Variants in RHBDD1 observed in about 807,000 individuals in gnomAD.
The protein encoded by RHBDD1 is rhomboid-related protein 4.
A neutral mutation model predicts 36.3 loss-of-function variants in RHBDD1; 38 were observed. The ratio of observed to expected loss-of-function variants is 1.05; its 90% CI spans 0.81 to 1.37. RHBDD1 has a LOEUF of 1.37. Ranked by LOEUF, RHBDD1 falls within the 40% of genes most tolerant of loss-of-function variation. RHBDD1 has a pLI of 0.00. For synonymous variants in RHBDD1, 151 were observed against 136.5 expected (o/e 1.11, Z -0.74); for missense variants, 393 against 377.6 (o/e 1.04, Z -0.34).
intron 8 of RHBDD1, among the ~76,000 whole-genome samples, chr2:226,967,719 A>C (rs1430196492): frequency 6.6e-6 from 1 of 152,132 alleles, no homozygotes; most frequent in Non-Finnish European, 1.5e-5. Context: ...GGTAATTCTT[A>C]ACTAGAGAAG....
intron 4 of RHBDD1, among the ~76,000 whole-genome samples, chr2:226,866,496 T>C (rs1459706261): frequency 6.6e-6 from 1 of 152,216 alleles, no homozygotes; most frequent in Non-Finnish European, 1.5e-5. Flanking sequence ...AGCACAAGGT[T>C]ACCCAGCTCG....
Position 226,864,666 on chromosome 2 carries a change from T to C in RHBDD1, c.-28T>C. 1 of 1,594,380 alleles carries C rather than the reference T, an allele frequency of 6.3e-7. No homozygotes were observed. The highest frequency in any genetic ancestry group is 8.6e-7 in the Non-Finnish European group (1 of 1,166,514). ...TGACCACCTGAGTACGTTTTCCCAT[T>C]GCTGAGCTGTTTCCCTGATATCTGG... On this transcript the variant is annotated 5_prime_UTR_variant, in exon 4 of 9. Coordinates refer to ENST00000392062, the MANE Select transcript of RHBDD1 (RefSeq NM_001167608.3).
At chr2:226,960,024 C>T (rs867030588) in intron 8 of RHBDD1, among the ~76,000 whole-genome samples, 3 of 152,056 alleles carry the variant, frequency 2.0e-5, no homozygotes, top group South Asian at 2.1e-4. Flanking sequence ...GGGGTTTTAC[C>T]GTATTAGCCA....
chr2:226,992,666 T>C (rs1958508794), intron 8 of RHBDD1, among the ~76,000 whole-genome samples: 1 of 152,192 alleles, frequency 6.6e-6, no homozygotes, highest in African/African-American at 2.4e-5. Context: ...GAACTTCTTA[T>C]TTTTCTGTTT....
Position 226,867,170 on chromosome 2 carries a change from C to T in RHBDD1, c.434-16C>T, listed in dbSNP as rs1386793239. ...TTTGGATTGTTGATATTTGCATGTTCTTCATTCTCTTTTAGGAGTTTTGTT... is the reference window on the plus strand; with the variant it reads ...TTTGGATTGTTGATATTTGCATGTTTTTCATTCTCTTTTAGGAGTTTTGTT... On this transcript the variant is annotated splice_polypyrimidine_tract_variant and intron_variant, in intron 4 of 8. Coordinates refer to ENST00000392062, the MANE Select transcript of RHBDD1 (RefSeq NM_001167608.3). The T allele has an allele frequency of 6.3e-7, 1 of 1,586,032 alleles. No homozygotes were observed.
intron 5 of RHBDD1, chr2:226,869,091 T>C: frequency 1.4e-6 from 1 of 719,782 alleles, no homozygotes. Context: ...GTGCGTTTAA[T>C]ATTCTTATGC....
At chr2:226,805,320 C>A in the RHBDD1 span, among the ~76,000 whole-genome samples, 1 of 152,228 alleles carries the variant, frequency 6.6e-6, no homozygotes, top group Non-Finnish European at 1.5e-5. Flanking sequence ...TGAAGCAATT[C>A]TTCTGCCTCA....
chr2:226,859,844 G>C (rs1342075232), intron 3 of RHBDD1, among the ~76,000 whole-genome samples: 1 of 152,132 alleles, frequency 6.6e-6, no homozygotes, highest in African/African-American at 2.4e-5. Context: ...GGGGAGTCCA[G>C]CTTCAGTTTT....
chr2:226,986,658 G>A (rs142613155), intron 8 of RHBDD1, among the ~76,000 whole-genome samples: 3,788 of 152,264 alleles, frequency 0.025, 63 homozygotes, highest in Non-Finnish European at 0.039. Flanking sequence ...TTAGAATAGC[G>A]ATCACTAAAA....
intron 8 of RHBDD1, among the ~76,000 whole-genome samples, chr2:226,979,981 G>T (rs1955361652): frequency 2.0e-5 from 3 of 152,192 alleles, no homozygotes; most frequent in Admixed American, 2.0e-4. Context: ...TTGGGGACAG[G>T]ACGAGTGGAA....
chr2:226,948,540 A>T (rs1249583169), intron 8 of RHBDD1, among the ~76,000 whole-genome samples: 2 of 145,298 alleles, frequency 1.4e-5, no homozygotes, highest in Non-Finnish European at 3.0e-5. Flanking sequence ...CACAATGTGC[A>T]CATGTACCCT....
chr2:226,809,001 C>A, the RHBDD1 span, among the ~76,000 whole-genome samples: 1 of 152,126 alleles, frequency 6.6e-6, no homozygotes, highest in Non-Finnish European at 1.5e-5. Flanking sequence ...CTTATTGATC[C>A]TCCGAGTGGA....
intron 8 of RHBDD1, among the ~76,000 whole-genome samples, chr2:226,965,285 C>A (rs764597567): frequency 3.3e-5 from 5 of 152,222 alleles, no homozygotes; most frequent in Admixed American, 6.5e-5. Flanking sequence ...GGAATGGGTT[C>A]TCCTGCAGAG....
chr2:226,827,659 T>C, the RHBDD1 span, among the ~76,000 whole-genome samples: 14 of 152,200 alleles, frequency 9.2e-5, no homozygotes, highest in African/African-American at 3.4e-4. Flanking sequence ...CCAGCTCTAG[T>C]CAATGTCTTC....
chr2:226,904,622 A>G (rs964780826), intron 5 of RHBDD1, among the ~76,000 whole-genome samples: 8 of 152,176 alleles, frequency 5.3e-5, no homozygotes, highest in Admixed American at 3.9e-4. Context: ...AATGGGAACA[A>G]GCATCAATGC....
chr2:226,947,046 A>G (rs934724423), intron 8 of RHBDD1, among the ~76,000 whole-genome samples: 1 of 152,174 alleles, frequency 6.6e-6, no homozygotes, highest in African/African-American at 2.4e-5. Context: ...ACTCTCAATA[A>G]ACTAGGTATT....
intron 8 of RHBDD1, among the ~76,000 whole-genome samples, chr2:226,919,758 A>G (rs1477753273): frequency 1.3e-5 from 2 of 151,656 alleles, no homozygotes; most frequent in Non-Finnish European, 2.9e-5. Context: ...GGGTTATGTG[A>G]TCCTTCCAGT....
At chr2:226,915,661 G>T (rs956372188) in intron 8 of RHBDD1, among the ~76,000 whole-genome samples, 6 of 152,136 alleles carry the variant, frequency 3.9e-5, no homozygotes, top group South Asian at 2.1e-4. Flanking sequence ...GCAACAGTGT[G>T]CATGGAGGTG....
the RHBDD1 span, among the ~76,000 whole-genome samples, chr2:226,805,685 T>C: frequency 1.3e-5 from 2 of 152,240 alleles, no homozygotes; most frequent in Non-Finnish European, 2.9e-5. Flanking sequence ...ATTTAAAATC[T>C]AAAATTTGAT....
Sources: gnomAD v4.1 joint callset for allele counts (sites outside exome capture counted in the v4.1 genomes callset) on GRCh38, gnomAD v4.1.1 for gene constraint, MANE v1.5 for transcripts, NCBI Gene and HGNC (gene_info 2026-07-23, HGNC 2026-07-21) for gene names.